Variants in RALGPS1 observed in about 807,000 individuals in gnomAD.
RALGPS1 encodes ras-specific guanine nucleotide-releasing factor RalGPS1.
Under a neutral mutation model 78.8 loss-of-function variants are expected in RALGPS1, and 19 were observed. The observed-to-expected ratio is 0.24, with a 90% CI of 0.17 to 0.35. The LOEUF is 0.35. Among genes scored for constraint, RALGPS1 ranks in the 10% least tolerant of loss-of-function variants. RALGPS1 has a pLI of 1.00. For missense variants in RALGPS1, 454 were observed against 688.3 expected, an observed-to-expected ratio of 0.66 and a Z score of 3.81; for synonymous variants, 228 against 256.3, an observed-to-expected ratio of 0.89 and a Z score of 1.06.
intron 7 of RALGPS1, among the ~76,000 whole-genome samples, chr9:127,068,585 C>T (rs1044143753): frequency 1.3e-5 from 2 of 152,162 alleles, no homozygotes; most frequent in African/African-American, 4.8e-5. Context: ...TTGAAGCTTT[C>T]CATCTCTGTG....
chr9:127,012,550 T>C (rs1369562654), intron 4 of RALGPS1, among the ~76,000 whole-genome samples: 2 of 152,198 alleles, frequency 1.3e-5, no homozygotes, highest in Non-Finnish European at 2.9e-5. Flanking sequence ...ATTGTGAGAC[T>C]GTGGAAACCC....
chr9:126,922,318 T>C (rs2034847456), intron 1 of RALGPS1, among the ~76,000 whole-genome samples: 1 of 152,224 alleles, frequency 6.6e-6, no homozygotes, highest in Non-Finnish European at 1.5e-5. Context: ...ATCTTTGGCC[T>C]TGACATCATA....
chr9:127,207,296 C>T (rs2061987211), intron 14 of RALGPS1, among the ~76,000 whole-genome samples: 1 of 152,132 alleles, frequency 6.6e-6, no homozygotes. Flanking sequence ...ATGTCTTCCC[C>T]AGACCCAGGT....
intron 8 of RALGPS1, among the ~76,000 whole-genome samples, chr9:127,124,658 G>T (rs1196116171): frequency 6.6e-6 from 1 of 152,238 alleles, no homozygotes; most frequent in Non-Finnish European, 1.5e-5. Flanking sequence ...CCCTTTAGAG[G>T]AGCTGAGAGA....
chr9:127,206,717 G>T (rs2061952762), intron 14 of RALGPS1, among the ~76,000 whole-genome samples: 1 of 152,098 alleles, frequency 6.6e-6, no homozygotes. Flanking sequence ...TTCTGGGGAG[G>T]TTGCTCTCCA....
At chr9:127,093,876 A>T (rs1564564927) in intron 8 of RALGPS1, 1 of 1,613,980 alleles carries the variant, frequency 6.2e-7, no homozygotes, top group South Asian at 1.1e-5. Context: ...AGGTAGATGG[A>T]GCTGGTGTCG....
At position 127,016,324 on chromosome 9, in the gene RALGPS1, C is replaced by A. The variant is rs375269587; in HGVS notation, c.217-18107C>A. ...TACTTAATAACGTTTTTATGTAATG[C>A]CGGTTATATGGCCCCTGCTTCTCTT... On this transcript the variant is annotated intron_variant, in intron 4 of 18. Coordinates refer to ENST00000259351, the MANE Select transcript of RALGPS1 (RefSeq NM_014636.3). Among the ~76,000 whole-genome samples, 10 of 152,124 alleles carry A rather than the reference C, an allele frequency of 6.6e-5. 1 individual carries two copies. In the East Asian group the frequency reaches 1.5e-3, roughly 23 times the overall value.
chr9:127,135,012 G>C (rs1416602012), intron 8 of RALGPS1, among the ~76,000 whole-genome samples: 1 of 152,178 alleles, frequency 6.6e-6, no homozygotes, highest in Non-Finnish European at 1.5e-5. Flanking sequence ...ACTCATCTCT[G>C]CTGCCTGGGA....
At chr9:126,950,953 A>C (rs374117027) in intron 1 of RALGPS1, among the ~76,000 whole-genome samples, 3 of 152,104 alleles carry the variant, frequency 2.0e-5, no homozygotes, top group African/African-American at 4.8e-5. Flanking sequence ...AGAGAAGAAT[A>C]AAATAGACAC....
chr9:127,125,466 C>A (rs2056543758), intron 8 of RALGPS1, among the ~76,000 whole-genome samples: 1 of 152,200 alleles, frequency 6.6e-6, no homozygotes, highest in African/African-American at 2.4e-5. Context: ...GCTCTGTTTC[C>A]TCACTTGTAA....
In RALGPS1 at chr9:127,060,086, G is replaced by C. The variant is rs201167776; in HGVS notation, c.483+7147G>C. 2.0e-5 allele frequency among the ~76,000 whole-genome samples: 3 copies of C among 152,280 alleles called. No homozygotes were observed. The East Asian group carries it at 5.8e-4, about 29-fold the overall frequency. On this transcript the variant is annotated intron_variant, in intron 7 of 18. Coordinates refer to ENST00000259351, the MANE Select transcript of RALGPS1 (RefSeq NM_014636.3). ...GCTGTGTATAAGCCTTTGCAGCTGG[G>C]AGCTAGGGTTGTAATGCCTGCACAG...
intron 1 of RALGPS1, among the ~76,000 whole-genome samples, chr9:126,923,912 G>A (rs1324036643): frequency 6.6e-6 from 1 of 152,222 alleles, no homozygotes; most frequent in African/African-American, 2.4e-5. Flanking sequence ...TGTTGTTTCA[G>A]TTAGTTTATT....
chr9:127,190,423 G>A (rs1293438384), intron 11 of RALGPS1, among the ~76,000 whole-genome samples: 5 of 151,966 alleles, frequency 3.3e-5, no homozygotes, highest in Non-Finnish European at 5.9e-5. Flanking sequence ...TCCTGGGTTC[G>A]AGCAGTCCTC....
At chr9:127,177,826 C>T (rs964327407) in intron 11 of RALGPS1, 2 of 1,545,044 alleles carry the variant, frequency 1.3e-6, no homozygotes, top group Admixed American at 3.9e-5. Flanking sequence ...CAGCCCTGGC[C>T]CAGCCTCCTC....
intron 4 of RALGPS1, among the ~76,000 whole-genome samples, chr9:126,994,207 G>A (rs1353919838): frequency 1.3e-5 from 2 of 152,124 alleles, no homozygotes; most frequent in Non-Finnish European, 2.9e-5. Flanking sequence ...GAGAGAAGAA[G>A]GCTTCAGATG....
chr9:127,185,422 G>C (rs10819271), intron 11 of RALGPS1, among the ~76,000 whole-genome samples: 54,716 of 152,110 alleles, frequency 0.36, 12,179 homozygotes, highest in Non-Finnish European at 0.48. Context: ...GTGTTCTCAC[G>C]TGCACCGTGC....
At chr9:126,995,396 A>G (rs1182110685) in intron 4 of RALGPS1, among the ~76,000 whole-genome samples, 2 of 152,206 alleles carry the variant, frequency 1.3e-5, no homozygotes, top group African/African-American at 2.4e-5. Context: ...CTCTCATAAA[A>G]CAGACTTTAA....
intron 11 of RALGPS1, among the ~76,000 whole-genome samples, chr9:127,182,471 C>T (rs1182601820): frequency 6.8e-6 from 1 of 147,090 alleles, no homozygotes; most frequent in Non-Finnish European, 1.5e-5. Flanking sequence ...GCTCTGTCAC[C>T]CAGGCTGGAG....
chr9:127,143,595 C>T (rs963501566), intron 8 of RALGPS1, among the ~76,000 whole-genome samples: 2 of 152,076 alleles, frequency 1.3e-5, no homozygotes, highest in Admixed American at 6.6e-5. Context: ...ACTACCTCAA[C>T]AGATTTTAAG....
Sources: allele counts gnomAD v4.1 joint callset (sites outside exome capture counted in the v4.1 genomes callset), GRCh38; gene constraint gnomAD v4.1.1; transcripts MANE v1.5; gene names NCBI Gene and HGNC (gene_info 2026-07-23, HGNC 2026-07-21).